Variants in RSU1 observed in about 807,000 individuals in gnomAD.
RSU1 encodes the protein rsu-1.
In RSU1, 26 loss-of-function variants were observed where a neutral mutation model predicts 31.1. The observed-to-expected ratio is 0.84, with a 90% CI of 0.61 to 1.16. The LOEUF (loss-of-function observed/expected upper bound fraction) is 1.16. RSU1 is among the 50% of genes most tolerant of loss of function. The probability of loss-of-function intolerance (pLI) is 0.00; values close to 1 mark genes in which losing one functional copy is unlikely to be tolerated. For missense variants in RSU1, 320 were observed against 339.1 expected (o/e 0.94, Z 0.44); for synonymous variants, 164 against 136.3 (o/e 1.20, Z -1.41).
chr10:16,769,778 A>G (rs1310301240), intron 3 of RSU1, among the ~76,000 whole-genome samples: 3 of 152,226 alleles, frequency 2.0e-5, no homozygotes, highest in Non-Finnish European at 4.4e-5. Context: ...ATAATAATCA[A>G]TCTGATCCAA....
chr10:16,748,647 G>A (rs1334919760), intron 7 of RSU1, among the ~76,000 whole-genome samples: 1 of 152,066 alleles, frequency 6.6e-6, no homozygotes, highest in Admixed American at 6.6e-5. Context: ...TCCTGTCTAA[G>A]CTCATTGCTT....
intron 2 of RSU1, among the ~76,000 whole-genome samples, chr10:16,807,942 G>A (rs1459063565): frequency 1.3e-5 from 2 of 150,144 alleles, no homozygotes; most frequent in African/African-American, 4.9e-5. Context: ...AGAATGGCGT[G>A]AACCTGGGAG....
At chr10:16,626,514 C>T (rs1004999993) in intron 8 of RSU1, among the ~76,000 whole-genome samples, 1 of 152,168 alleles carries the variant, frequency 6.6e-6, no homozygotes, top group African/African-American at 2.4e-5. Flanking sequence ...ATCCAGTAAG[C>T]CTACTCGGGC....
Position 16,592,987 on chromosome 10 carries a change from TA to T in RSU1, c.*406del, listed in dbSNP as rs1419609875. The stretch of plus-strand genomic sequence containing the variant: ...CTCGGTGGTGAAGGAAGACTTTTAA[TA>T]AAGCAAAATAATGAGTTAGGTGAAT... On this transcript the variant is annotated 3_prime_UTR_variant, in exon 9 of 9. Coordinates refer to ENST00000345264, the MANE Select transcript of RSU1 (RefSeq NM_012425.4). The T allele has an allele frequency of 6.6e-6, 1 of 150,618 alleles. No homozygotes were observed. The highest frequency in any genetic ancestry group is 1.5e-5 in the Non-Finnish European group (1 of 68,144). 9.3% of individuals were successfully genotyped at this position (150,618 alleles called of 1,614,324 possible). A position where few individuals can be genotyped will look rare whatever the true frequency, so the allele number is the denominator to read the frequency against.
At chr10:16,634,032 C>T (rs548486326) in intron 8 of RSU1, among the ~76,000 whole-genome samples, 3 of 152,350 alleles carry the variant, frequency 2.0e-5, no homozygotes, top group African/African-American at 7.2e-5. Context: ...TCTTTTCCAG[C>T]ATCCTCTATT....
intron 7 of RSU1, among the ~76,000 whole-genome samples, chr10:16,746,106 ATAAT>A (rs1446439534): frequency 1.8e-4 from 27 of 152,242 alleles, no homozygotes; most frequent in Admixed American, 1.8e-3. Flanking sequence ...TCTGGAGTAT[ATAAT>A]TGAGAGGAAA....
intron 8 of RSU1, among the ~76,000 whole-genome samples, chr10:16,691,777 C>T (rs1480582763): frequency 6.9e-6 from 1 of 144,214 alleles, no homozygotes; most frequent in African/African-American, 2.6e-5. Flanking sequence ...CTATGTCACC[C>T]AGGCTGGAGT....
chr10:16,592,976 A>T lies in RSU1; in HGVS notation c.*418T>A. On this transcript the variant is annotated 3_prime_UTR_variant, in exon 9 of 9. Coordinates refer to ENST00000345264, the MANE Select transcript of RSU1 (RefSeq NM_012425.4). ...AATTAGCATATCTCGGTGGTGAAGG[A>T]AGACTTTTAATAAAGCAAAATAATG... is the stretch of plus-strand genomic sequence containing the variant. 2.0e-5 allele frequency: 3 copies of T among 148,360 alleles called. No homozygotes were observed. Among genetic ancestry groups the T allele is most frequent in the Admixed American group, 6.7e-5 (1 of 15,034 alleles). The allele number at this position is 148,360 out of a possible 1,614,324, so 9.2% of individuals were successfully genotyped here.
intron 8 of RSU1, among the ~76,000 whole-genome samples, chr10:16,660,347 G>A (rs2131525969): frequency 6.6e-6 from 1 of 152,246 alleles, no homozygotes. Context: ...CTGTTGTGCG[G>A]TGAGAAATAA....
chr10:16,757,388 G>A (rs1259329497), intron 4 of RSU1, among the ~76,000 whole-genome samples: 2 of 152,124 alleles, frequency 1.3e-5, no homozygotes. Flanking sequence ...AGAAACAGCT[G>A]ACAGCAGAGG....
intron 8 of RSU1, among the ~76,000 whole-genome samples, chr10:16,645,517 G>T (rs2131506632): frequency 6.6e-6 from 1 of 152,034 alleles, no homozygotes; most frequent in Non-Finnish European, 1.5e-5. Flanking sequence ...AAGATTACAA[G>T]TCACAATGTG....
intron 2 of RSU1, among the ~76,000 whole-genome samples, chr10:16,788,273 C>T (rs985019610): frequency 6.6e-6 from 1 of 152,178 alleles, no homozygotes; most frequent in African/African-American, 2.4e-5. Flanking sequence ...CCAAGCCATC[C>T]CCTATGCATG....
chr10:16,779,357 T>C (rs2124107), intron 3 of RSU1, among the ~76,000 whole-genome samples: 57,800 of 152,108 alleles, frequency 0.38, 14,907 homozygotes, highest in African/African-American at 0.74. Flanking sequence ...TCAGCTTCCT[T>C]GTCGCCTCAC....
chr10:16,759,997 A>C (rs539485463), intron 4 of RSU1, among the ~76,000 whole-genome samples: 12 of 152,166 alleles, frequency 7.9e-5, no homozygotes, highest in Non-Finnish European at 1.6e-4. Flanking sequence ...GTGTGAGTAC[A>C]ATTCTTTATG....
At chr10:16,785,248 G>A (rs916287020) in intron 2 of RSU1, among the ~76,000 whole-genome samples, 1 of 151,910 alleles carries the variant, frequency 6.6e-6, no homozygotes, top group Non-Finnish European at 1.5e-5. Flanking sequence ...TCCTGTGCTG[G>A]ATGCTCGCTG....
intron 4 of RSU1, among the ~76,000 whole-genome samples, chr10:16,762,060 G>C (rs1437271970): frequency 6.6e-6 from 1 of 151,994 alleles, no homozygotes; most frequent in African/African-American, 2.4e-5. Flanking sequence ...GCATATCTGT[G>C]ACCTCATTGG....
intron 3 of RSU1, among the ~76,000 whole-genome samples, chr10:16,774,160 C>G (rs1320951445): frequency 4.0e-5 from 6 of 151,250 alleles, no homozygotes; most frequent in Non-Finnish European, 5.9e-5. Flanking sequence ...ACCCTGGGAG[C>G]TACAGGATTG....
intron 8 of RSU1, among the ~76,000 whole-genome samples, chr10:16,673,533 C>A (rs149346139): frequency 6.6e-6 from 1 of 152,178 alleles, no homozygotes; most frequent in Non-Finnish European, 1.5e-5. Flanking sequence ...AATTTAAGCT[C>A]AAATGGAGAA....
At chr10:16,624,342 C>A (rs910083407) in intron 8 of RSU1, among the ~76,000 whole-genome samples, 3 of 152,086 alleles carry the variant, frequency 2.0e-5, no homozygotes, top group Admixed American at 1.3e-4. Context: ...GGTCCCACTG[C>A]CCTAACCTCT....
Sources: gnomAD v4.1 joint callset for allele counts (sites outside exome capture counted in the v4.1 genomes callset) on GRCh38, gnomAD v4.1.1 for gene constraint, MANE v1.5 for transcripts, NCBI Gene and HGNC (gene_info 2026-07-23, HGNC 2026-07-21) for gene names.